The following DAAM1 variants were observed in gnomAD, a reference collection of about 807,000 sequenced individuals.
The protein encoded by DAAM1 is dishevelled associated activator of morphogenesis 1, also known as disheveled-associated activator of morphogenesis 1.
DAAM1 carries 52 observed loss-of-function variants against 130.0 expected under a neutral mutation model. The observed-to-expected ratio is 0.40, with a 90% CI of 0.32 to 0.50. DAAM1 has a LOEUF of 0.50. Among genes scored for constraint, DAAM1 ranks in the 20% least tolerant of loss-of-function variants. The probability of loss-of-function intolerance (pLI) is 0.61; values close to 1 mark genes in which losing one functional copy is unlikely to be tolerated. For synonymous variants in DAAM1, 452 were observed against 444.5 expected (o/e 1.02, Z -0.21); for missense variants, 1,134 against 1,303.8 (o/e 0.87, Z 2.01).
chr14:59,230,411 C>G (rs1566659172), intron 1 of DAAM1, among the ~76,000 whole-genome samples: 1 of 151,750 alleles, frequency 6.6e-6, no homozygotes, highest in Non-Finnish European at 1.5e-5. Flanking sequence ...TCTTTCTATC[C>G]AAACAAATTA....
At chr14:59,355,876 A>C (rs1040381153) in intron 20 of DAAM1, among the ~76,000 whole-genome samples, 2 of 152,176 alleles carry the variant, frequency 1.3e-5, no homozygotes, top group Non-Finnish European at 2.9e-5. Context: ...TTGTGTTTTT[A>C]TTTATACAGT....
intron 1 of DAAM1, among the ~76,000 whole-genome samples, chr14:59,241,291 G>A (rs1253862271): frequency 6.6e-6 from 1 of 152,200 alleles, no homozygotes; most frequent in Non-Finnish European, 1.5e-5. Context: ...TCTGCAAAGT[G>A]TTGGGAAAAC....
chr14:59,221,245 C>T (rs953182520), intron 1 of DAAM1, among the ~76,000 whole-genome samples: 1 of 152,146 alleles, frequency 6.6e-6, no homozygotes, highest in South Asian at 2.1e-4. Context: ...ATTATCATTA[C>T]TGAAATACTG....
chr14:59,364,724 C>T (rs965375258), intron 23 of DAAM1, among the ~76,000 whole-genome samples: 2 of 152,172 alleles, frequency 1.3e-5, no homozygotes, highest in Non-Finnish European at 2.9e-5. Flanking sequence ...TGTAAATGTA[C>T]ACACATACCA....
intron 1 of DAAM1, among the ~76,000 whole-genome samples, chr14:59,204,662 C>T (rs1888206630): frequency 2.0e-5 from 3 of 152,100 alleles, no homozygotes; most frequent in African/African-American, 7.2e-5. Flanking sequence ...AAAGTTCTGC[C>T]TGTCATATCA....
chr14:59,310,192 C>A (rs1287644729), intron 3 of DAAM1, among the ~76,000 whole-genome samples: 8 of 151,330 alleles, frequency 5.3e-5, no homozygotes, highest in African/African-American at 1.7e-4. Flanking sequence ...CTTACTGCAA[C>A]CTCCGCCTCC....
chr14:59,350,271 C>G (rs1486764383), intron 17 of DAAM1, among the ~76,000 whole-genome samples: 1 of 152,044 alleles, frequency 6.6e-6, no homozygotes, highest in Non-Finnish European at 1.5e-5. Context: ...AGTCAGGACC[C>G]CAGCTGGATT....
chr14:59,215,753 A>G lies in DAAM1; in HGVS notation c.-38+26985A>G, dbSNP rs117449052. Among the ~76,000 whole-genome samples the G allele has an allele frequency of 2.1e-4, 32 of 152,310 alleles. 1 individual carries two copies. In the East Asian group the frequency reaches 3.3e-3, roughly 16 times the overall value. ...TAGGCTAGGGTGGGGGTTGAGGTAG[A>G]TAAGGAAGGAAACACCAAGGAATGT... On this transcript the variant is annotated intron_variant, in intron 1 of 24. Transcript: ENST00000360909.
At chr14:59,267,684 C>T (rs894880270) in intron 2 of DAAM1, among the ~76,000 whole-genome samples, 2 of 152,048 alleles carry the variant, frequency 1.3e-5, no homozygotes, top group African/African-American at 4.8e-5. Context: ...CATGCCTAAC[C>T]CCAACATCCC....
intron 1 of DAAM1, among the ~76,000 whole-genome samples, chr14:59,201,438 C>T (rs1888101677): frequency 6.6e-6 from 1 of 152,004 alleles, no homozygotes; most frequent in Admixed American, 6.6e-5. Context: ...GCCTGGCCAA[C>T]ATGGCAAAAC....
At chr14:59,225,118 C>G (rs1180369283) in intron 1 of DAAM1, among the ~76,000 whole-genome samples, 3 of 147,340 alleles carry the variant, frequency 2.0e-5, no homozygotes, top group Non-Finnish European at 4.5e-5. Flanking sequence ...ACCTCTGCCT[C>G]CTGGGTTCAA....
intron 1 of DAAM1, among the ~76,000 whole-genome samples, chr14:59,194,073 A>G (rs1170661877): frequency 2.0e-5 from 3 of 152,236 alleles, no homozygotes; most frequent in Admixed American, 6.5e-5. Flanking sequence ...CTTAGGCCAC[A>G]CAGCCTGTAA....
At chr14:59,189,172 G>A (rs889865455) in intron 1 of DAAM1, among the ~76,000 whole-genome samples, 3 of 152,104 alleles carry the variant, frequency 2.0e-5, no homozygotes, top group Non-Finnish European at 2.9e-5. Flanking sequence ...AGCGGCGTCC[G>A]CGAGCTCCCG....
intron 2 of DAAM1, among the ~76,000 whole-genome samples, chr14:59,273,921 A>G (rs903211867): frequency 6.6e-5 from 10 of 152,208 alleles, no homozygotes. Flanking sequence ...TAATTGCTCA[A>G]TACCATGGAT....
chr14:59,309,622 C>T (rs1006967351), intron 3 of DAAM1, among the ~76,000 whole-genome samples: 1 of 152,206 alleles, frequency 6.6e-6, no homozygotes, highest in African/African-American at 2.4e-5. Context: ...TGATTTCTTA[C>T]TACACAACAG....
chr14:59,206,473 T>C (rs1594756730), intron 1 of DAAM1, among the ~76,000 whole-genome samples: 1 of 152,008 alleles, frequency 6.6e-6, no homozygotes, highest in Admixed American at 6.6e-5. Context: ...GACAGGGTTT[T>C]ACCGTGTTAG....
Position 59,326,565 on chromosome 14 carries a change from G to C in DAAM1, c.1230G>C (p.Gln410His). 6.2e-7 allele frequency: 1 copy of C among 1,613,860 alleles called. No homozygotes were observed. The highest frequency in any genetic ancestry group is 1.7e-4 in the Middle Eastern group (1 of 6,060). ...QYWLLLDRII[Q>H]QIVIQNDKGQ... is the part of the protein sequence containing the mutation. ...GGCTACTACTAGATAGAATTATACA[G>C]CAGATAGTTATCCAGAATGACAAAG... The change falls in exon 11 of 25, where the codon CAG (glutamine) becomes CAC (histidine). Residue 410 changes from glutamine (Q) to histidine (H), a missense_variant. Around this residue, in one of 3 missense-constraint regions of DAAM1, gnomAD observed 391 missense variants for 521.6 expected, o/e 0.75. Coordinates refer to ENST00000360909, the MANE Select transcript of DAAM1 (RefSeq NM_001270520.2).
chr14:59,191,108 A>G (rs941436082), intron 1 of DAAM1, among the ~76,000 whole-genome samples: 6 of 152,116 alleles, frequency 3.9e-5, no homozygotes, highest in East Asian at 1.9e-4. Flanking sequence ...GTGCATTATC[A>G]CAGATGTTGC....
intron 2 of DAAM1, among the ~76,000 whole-genome samples, chr14:59,268,814 G>A (rs1246373209): frequency 1.3e-5 from 2 of 152,028 alleles, no homozygotes; most frequent in Non-Finnish European, 2.9e-5. Context: ...CTCTGCCTCA[G>A]TCAAAATAAA....
Sources: gnomAD v4.1 joint callset for allele counts (sites outside exome capture counted in the v4.1 genomes callset) on GRCh38, gnomAD v4.1.1 for gene constraint, gnomAD v4.1.1 regional missense constraint, MANE v1.5 for transcripts, NCBI Gene and HGNC (gene_info 2026-07-23, HGNC 2026-07-21) for gene names.